Variants in BORCS8 observed in about 807,000 individuals in gnomAD.
The protein encoded by BORCS8 is BLOC-1-related complex subunit 8.
A neutral mutation model predicts 18.7 loss-of-function variants in BORCS8; 13 were observed. The observed-to-expected ratio is 0.70, with a 90% CI of 0.45 to 1.11. The LOEUF (loss-of-function observed/expected upper bound fraction) is 1.11, where lower values mean the gene tolerates loss of function less well. BORCS8 is among the 50% of genes least tolerant of loss of function. The pLI is 0.00. For synonymous variants in BORCS8, 68 were observed against 64.8 expected, an observed-to-expected ratio of 1.05 and a Z score of -0.24; for missense variants, 165 against 165.7, an observed-to-expected ratio of 1.00 and a Z score of 0.02.
chr19:19,180,897 A>T, intron 4 of BORCS8, 136 bp from the exon 5 acceptor site: 2 of 942,132 alleles, frequency 2.1e-6, no homozygotes, highest in South Asian at 1.7e-5. Flanking sequence ...CATCCTGCTT[A>T]AAAGTGGGAT....
intron 1 of BORCS8, among the ~76,000 whole-genome samples, chr19:19,188,098 T>C (rs148944272): frequency 0.011 from 1,648 of 152,032 alleles, 27 homozygotes; most frequent in African/African-American, 0.038. Flanking sequence ...GGGGCAATCT[T>C]GGCTCACTGC....
chr19:19,186,084 A>G lies in BORCS8; in HGVS notation c.165T>C (p.Arg55=). ...TGGCTCCCTGGCTCTGCTCCTCCCA[A>G]CGCTGCATGTCTGCCTGTAGGGGGC... ...ELAQHKADMQ[R]WEEQSQGAIY... The change falls in exon 3 of 6, where the codon CGT becomes CGC. Residue 55 remains arginine, a synonymous_variant. Coordinates refer to ENST00000462790, the MANE Select transcript of BORCS8 (RefSeq NM_001145784.2). 3 of 1,551,418 alleles carry G rather than the reference A, an allele frequency of 1.9e-6. No individual in the cohort carries two copies. The highest frequency in any genetic ancestry group is 2.6e-6 in the Non-Finnish European group (3 of 1,146,978).
At chr19:19,180,887 C>T (rs1483254478) in intron 4 of BORCS8, 126 bp from the exon 5 acceptor site, 2 of 1,024,914 alleles carry the variant, frequency 2.0e-6, no homozygotes, top group Non-Finnish European at 2.8e-6. Context: ...GCTTCTGGGG[C>T]ATCCTGCTTA....
chr19:19,184,393 C>T (rs1449438592), intron 3 of BORCS8, among the ~76,000 whole-genome samples: 3 of 148,736 alleles, frequency 2.0e-5, no homozygotes, highest in African/African-American at 7.5e-5. Context: ...GCAAGCTCCA[C>T]CTCCCGGGTT....
intron 1 of BORCS8, 26 bp from the exon 2 acceptor site, chr19:19,187,031 C>A (rs1347493875): frequency 6.6e-7 from 1 of 1,521,416 alleles, no homozygotes; most frequent in Non-Finnish European, 8.9e-7. Context: ...AGGGATGGGG[C>A]GGGTGTGGGG....
chr19:19,177,676 GGAAGGAAGGAAGGAAGGAAGAGAAA>G (rs2060304593), intron 5 of BORCS8: 2 of 80,782 alleles, frequency 2.5e-5, no homozygotes, highest in African/African-American at 1.2e-4. Context: ...AAGGAAGGAA[GGAAGGAAGGAAGGAAGGAAGAGAAA>G]AGAAAAGAAA....
intron 1 of BORCS8, among the ~76,000 whole-genome samples, chr19:19,190,517 G>A (rs780072313): frequency 6.6e-6 from 1 of 152,204 alleles, no homozygotes; most frequent in Non-Finnish European, 1.5e-5. Flanking sequence ...GGCCAGGGGC[G>A]GTGGCCCACG....
chr19:19,180,741 G>A lies in BORCS8; in HGVS notation c.347C>T (p.Pro116Leu), dbSNP rs1568563989. 6.5e-7 allele frequency: 1 copy of A among 1,550,132 alleles called. No homozygotes were observed. Among genetic ancestry groups the A allele is most frequent in the Non-Finnish European group, 8.7e-7 (1 of 1,146,536 alleles). The change falls in exon 5 of 6, where the codon CCC becomes CTC. Residue 116 changes from proline to leucine, a missense_variant. Pro to Leu is a moderately conservative substitution (Grantham distance 98). Coordinates refer to ENST00000462790, the MANE Select transcript of BORCS8 (RefSeq NM_001145784.2). ...TCTCTTCCAGGATCAGGCTGAGGAG[G>A]GCGGGGGTGGTTCCTCCGGGCTGCA... ...QGHSPEEPPPPSSA is the reference protein window; with the variant it reads ...QGHSPEEPPPLSSA
intron 3 of BORCS8, 113 bp downstream of exon 3, chr19:19,185,921 G>T: frequency 9.2e-7 from 1 of 1,081,444 alleles, no homozygotes; most frequent in Non-Finnish European, 1.4e-6. Flanking sequence ...ACACCCACTC[G>T]GGTAGGCCTG....
chr19:19,187,121 G>T, intron 1 of BORCS8, 116 bp from the exon 2 acceptor site: 1 of 718,494 alleles, frequency 1.4e-6, no homozygotes, highest in Non-Finnish European at 2.3e-6. Flanking sequence ...TCCCTCCGCA[G>T]CTAGGTCACT....
intron 5 of BORCS8, chr19:19,179,579 C>T (rs1162640345): frequency 1.3e-5 from 2 of 152,678 alleles, no homozygotes; most frequent in African/African-American, 4.8e-5. Flanking sequence ...AGAGGGCTTC[C>T]ATGGCACATG....
intron 5 of BORCS8, chr19:19,180,478 G>C (rs2060337235): frequency 3.4e-6 from 2 of 595,504 alleles, no homozygotes; most frequent in Non-Finnish European, 6.0e-6. Flanking sequence ...GAGAGAGTGG[G>C]AGAGATGGGC....
chr19:19,188,677 T>C (rs1320970350), intron 1 of BORCS8, among the ~76,000 whole-genome samples: 1 of 152,006 alleles, frequency 6.6e-6, no homozygotes, highest in African/African-American at 2.4e-5. Flanking sequence ...CGCTGGGCAC[T>C]GAACAACCCA....
intron 4 of BORCS8, 77 bp from the exon 5 acceptor site, chr19:19,180,838 G>T: frequency 2.1e-6 from 3 of 1,417,662 alleles, no homozygotes; most frequent in African/African-American, 1.4e-5. Context: ...TGGAGTGTAT[G>T]TTTGGGTGAT....
intron 1 of BORCS8, among the ~76,000 whole-genome samples, chr19:19,189,281 C>T (rs999123871): frequency 6.6e-6 from 1 of 152,184 alleles, no homozygotes; most frequent in African/African-American, 2.4e-5. Context: ...ACCACACTGC[C>T]CGCACCGGTC....
chr19:19,182,513 G>A lies in BORCS8; in HGVS notation c.326+60C>T. The A allele has an allele frequency of 2.0e-6, 3 of 1,528,728 alleles. No individual in the cohort carries two copies. Among genetic ancestry groups the A allele is most frequent in the Non-Finnish European group, 2.6e-6 (3 of 1,137,866 alleles). The allele number at this position is 1,528,728 out of a possible 1,614,324, so 94.7% of individuals were successfully genotyped here. A position where few individuals can be genotyped will look rare whatever the true frequency, so the allele number is the denominator to read the frequency against. On this transcript the variant is annotated intron_variant, in intron 4 of 5. Transcript: ENST00000462790. The surrounding 1 kb of genome is among the most constrained non-coding windows in gnomAD (Gnocchi z 4.1). ...GCGAGAAGCAGCGGTTCCCAGCGCA[G>A]CTGAGAGACGGTCCTTGCAGCTGGG...
Position 19,182,746 on chromosome 19 carries a change from G to T in BORCS8, c.216-63C>A. ...CTGCAGGTAACTGTCCCACACCCCA[G>T]CACTTGAGGTCACCACCAGGGCTCG... On this transcript the variant is annotated intron_variant, in intron 3 of 5. Coordinates refer to ENST00000462790, the MANE Select transcript of BORCS8 (RefSeq NM_001145784.2). This position sits in a 1 kb window ranked among gnomAD's most constrained non-coding sequence, Gnocchi z 4.1. 1.3e-6 allele frequency: 2 copies of T among 1,487,016 alleles called. No homozygotes were observed. Among genetic ancestry groups the T allele is most frequent in the Non-Finnish European group, 9.0e-7 (1 of 1,112,980 alleles). The allele number at this position is 1,487,016 out of a possible 1,614,324, so 92.1% of individuals were successfully genotyped here. A position where few individuals can be genotyped will look rare whatever the true frequency, so the allele number is the denominator to read the frequency against.
intron 1 of BORCS8, among the ~76,000 whole-genome samples, chr19:19,191,407 G>A (rs1454557118): frequency 1.3e-5 from 2 of 150,358 alleles, no homozygotes; most frequent in African/African-American, 2.5e-5. Flanking sequence ...CAAGAGGATC[G>A]CCCGCGCCAG....
chr19:19,189,771 G>A (rs1245025597), intron 1 of BORCS8, among the ~76,000 whole-genome samples: 1 of 152,132 alleles, frequency 6.6e-6, no homozygotes, highest in Non-Finnish European at 1.5e-5. Context: ...GCAAAAATAA[G>A]CTGGTCATGG....
Sources: gnomAD v4.1 joint callset for allele counts (sites outside exome capture counted in the v4.1 genomes callset) on GRCh38, gnomAD v4.1.1 for gene constraint, Gnocchi (gnomAD v3.1) non-coding constraint, MANE v1.5 for transcripts, NCBI Gene and HGNC (gene_info 2026-07-23, HGNC 2026-07-21) for gene names.